Variants in TENM3 observed in about 807,000 individuals in gnomAD.
The protein encoded by TENM3 is teneurin transmembrane protein 3.
Under a neutral mutation model 255.1 loss-of-function variants are expected in TENM3, and 63 were observed. That is an observed-to-expected ratio of 0.25 (90% CI 0.20 to 0.30). TENM3 has a LOEUF of 0.30. TENM3 is among the 10% of genes least tolerant of loss of function. TENM3 has a pLI of 1.00. For synonymous variants in TENM3, 1,306 were observed against 1,322.3 expected, an observed-to-expected ratio of 0.99 and a Z score of 0.27; for missense variants, 2,929 against 3,461.1, an observed-to-expected ratio of 0.85 and a Z score of 3.86.
chr4:181,521,186 C>T, the TENM3 span, among the ~76,000 whole-genome samples: 4 of 152,226 alleles, frequency 2.6e-5, no homozygotes, highest in African/African-American at 9.6e-5. Flanking sequence ...CCCTGGCGCC[C>T]TGTCTCTTGA....
rs572666528 is a variant in TENM3, at chr4:182,608,692, G to T, written c.749+7531G>T. Among the ~76,000 whole-genome samples, 8 of 152,272 alleles carry T rather than the reference G, an allele frequency of 5.3e-5. No individual in the cohort carries two copies. In the South Asian group the frequency reaches 1.2e-3, roughly 24 times the overall value. On this transcript the variant is annotated intron_variant, in intron 4 of 27. Transcript: ENST00000511685. ...TAGCGCTTCTGCAGGCCCGGGTTTG[G>T]GGGTGGCCGCTCAGGTCAGGGCTAG...
the TENM3 span, among the ~76,000 whole-genome samples, chr4:181,781,796 A>G: frequency 2.0e-5 from 3 of 152,140 alleles, no homozygotes; most frequent in Non-Finnish European, 4.4e-5. Flanking sequence ...ACATCCCATC[A>G]ATACCTAATT....
the TENM3 span, among the ~76,000 whole-genome samples, chr4:181,566,364 T>G: frequency 4.6e-3 from 707 of 152,318 alleles, 4 homozygotes; most frequent in African/African-American, 0.016. Flanking sequence ...CCTTTGCCAA[T>G]GAACTCAATG....
chr4:182,282,084 T>C (rs1270163249), intron 1 of TENM3, among the ~76,000 whole-genome samples: 2 of 152,204 alleles, frequency 1.3e-5, no homozygotes, highest in African/African-American at 4.8e-5. Flanking sequence ...GTAATTATTG[T>C]CCAGCAATTA....
At chr4:182,304,714 C>T (rs1305710866) in intron 1 of TENM3, among the ~76,000 whole-genome samples, 4 of 152,174 alleles carry the variant, frequency 2.6e-5, no homozygotes, top group Non-Finnish European at 5.9e-5. Context: ...AGTTCAGTTA[C>T]AATCAGCACT....
chr4:182,545,970 G>A (rs1213740393), intron 3 of TENM3, among the ~76,000 whole-genome samples: 2 of 152,106 alleles, frequency 1.3e-5, no homozygotes, highest in Non-Finnish European at 2.9e-5. Flanking sequence ...ATCAACAGTC[G>A]ATTAACACAT....
the TENM3 span, among the ~76,000 whole-genome samples, chr4:181,839,752 G>T: frequency 6.6e-6 from 1 of 151,428 alleles, no homozygotes; most frequent in African/African-American, 2.4e-5. Context: ...CAATTCAGGG[G>T]ATATCCTAAC....
chr4:182,261,199 C>T (rs1401765410), intron 1 of TENM3, among the ~76,000 whole-genome samples: 1 of 152,208 alleles, frequency 6.6e-6, no homozygotes, highest in Non-Finnish European at 1.5e-5. Context: ...AAAATAGTCA[C>T]TCATCCATTC....
At chr4:182,131,400 G>A in the TENM3 span, among the ~76,000 whole-genome samples, 1 of 152,052 alleles carries the variant, frequency 6.6e-6, no homozygotes, top group Admixed American at 6.6e-5. Context: ...TTATGACTAT[G>A]AATTTTTTAT....
chr4:181,947,583 CATT>C, the TENM3 span, among the ~76,000 whole-genome samples: 1 of 152,152 alleles, frequency 6.6e-6, no homozygotes, highest in African/African-American at 2.4e-5. Context: ...TTAAACGTCT[CATT>C]GTATATTTGA....
intron 3 of TENM3, among the ~76,000 whole-genome samples, chr4:182,371,923 T>C (rs1766846007): frequency 6.6e-6 from 1 of 152,192 alleles, no homozygotes; most frequent in Admixed American, 6.5e-5. Flanking sequence ...TTTAAAGAGA[T>C]CTAGGTTTGA....
chr4:182,605,485 TAAAA>T (rs10676569), intron 4 of TENM3, among the ~76,000 whole-genome samples: 5 of 142,522 alleles, frequency 3.5e-5, no homozygotes, highest in African/African-American at 1.3e-4. Context: ...ATCATTTATT[TAAAA>T]AAAAAAAAAA....
the TENM3 span, among the ~76,000 whole-genome samples, chr4:181,761,940 T>G: frequency 6.6e-6 from 1 of 152,218 alleles, no homozygotes; most frequent in Non-Finnish European, 1.5e-5. Context: ...CAGGACATAA[T>G]GATTCTTTAT....
chr4:181,550,522 T>C, the TENM3 span, among the ~76,000 whole-genome samples: 2 of 152,182 alleles, frequency 1.3e-5, no homozygotes, highest in African/African-American at 4.8e-5. Flanking sequence ...TCTTTCTGAA[T>C]GTTGCTTGTT....
At chr4:181,547,028 T>C in the TENM3 span, among the ~76,000 whole-genome samples, 8 of 152,178 alleles carry the variant, frequency 5.3e-5, no homozygotes, top group Admixed American at 6.5e-5. Context: ...TGTGCACAAA[T>C]GATCCTACCC....
At chr4:182,479,539 T>C (rs1580695271) in intron 3 of TENM3, among the ~76,000 whole-genome samples, 1 of 152,096 alleles carries the variant, frequency 6.6e-6, no homozygotes, top group African/African-American at 2.4e-5. Context: ...ATGTGTAATT[T>C]TGAAGAAATG....
the TENM3 span, among the ~76,000 whole-genome samples, chr4:181,782,861 C>A: frequency 6.6e-6 from 1 of 152,170 alleles, no homozygotes; most frequent in African/African-American, 2.4e-5. Context: ...TTTATTTCTG[C>A]CTTCATTTCT....
At chr4:182,589,092 C>T (rs1277042160) in intron 3 of TENM3, among the ~76,000 whole-genome samples, 2 of 152,184 alleles carry the variant, frequency 1.3e-5, no homozygotes, top group East Asian at 1.9e-4. Context: ...TTTAATTTCA[C>T]AATCATAAGC....
At chr4:181,663,902 C>T in the TENM3 span, among the ~76,000 whole-genome samples, 2 of 152,214 alleles carry the variant, frequency 1.3e-5, no homozygotes, top group African/African-American at 2.4e-5. Flanking sequence ...TTCATCTTTG[C>T]AGATGATTCC....
Sources: gnomAD v4.1 joint callset for allele counts (sites outside exome capture counted in the v4.1 genomes callset) on GRCh38, gnomAD v4.1.1 for gene constraint, MANE v1.5 for transcripts, NCBI Gene and HGNC (gene_info 2026-07-23, HGNC 2026-07-21) for gene names.